Variants in DGKE observed in about 807,000 individuals in gnomAD.
DGKE encodes the protein DAG kinase epsilon.
A neutral mutation model predicts 70.0 loss-of-function variants in DGKE; 53 were observed. The ratio of observed to expected loss-of-function variants is 0.76; its 90% confidence interval spans 0.61 to 0.95. DGKE has a LOEUF of 0.95. DGKE is among the 40% of genes least tolerant of loss of function. The pLI is 0.00. For synonymous variants in DGKE, 291 were observed against 257.0 expected, an observed-to-expected ratio of 1.13 and a Z score of -1.27; for missense variants, 655 against 706.9, an observed-to-expected ratio of 0.93 and a Z score of 0.83.
rs1439464327 is a variant in DGKE, at chr17:56,861,881, TG to T, written c.1378del (p.Glu460LysfsTer10). ...IGYWGGGCRL[W>X]EGMGDETYPL... ...ATACTGGGGCGGTGGCTGCAGACTA[TG>T]GGAAGGGATGGGGGACGAGACTTAC... On this transcript the variant is annotated frameshift_variant, in exon 10 of 12. Transcript: ENST00000284061. LOFTEE classifies it high-confidence loss of function. The T allele has an allele frequency of 6.2e-7, 1 of 1,613,532 alleles. No individual in the cohort carries two copies.
chr17:56,852,655 CT>C (rs1458864426), intron 7 of DGKE, among the ~76,000 whole-genome samples: 1 of 151,912 alleles, frequency 6.6e-6, no homozygotes, highest in African/African-American at 2.4e-5. Context: ...TTGAGAGATC[CT>C]TTAAAATGGT....
rs141588701 is a variant in DGKE, at chr17:56,862,774, A to G, written c.1687A>G (p.Ile563Val). ...CTCTAGTACTTCGGATCAAGAAGAT[A>G]TAAAGGCGACTGAATAGATGGATGA... ...DISSTSDQED[I>V]KATE Residue 563 changes from isoleucine (I) to valine (V), a missense_variant, in exon 12 of 12, where the codon ATA becomes GTA. Coordinates refer to ENST00000284061, the MANE Select transcript of DGKE (RefSeq NM_003647.3). 43 of 1,580,836 alleles carry G rather than the reference A, an allele frequency of 2.7e-5. No individual in the cohort carries two copies. The highest frequency in any genetic ancestry group is 1.7e-4 in the Middle Eastern group (1 of 5,948).
At chr17:56,850,949 A>G (rs1053783470) in intron 7 of DGKE, among the ~76,000 whole-genome samples, 4 of 152,192 alleles carry the variant, frequency 2.6e-5, no homozygotes, top group Non-Finnish European at 5.9e-5. Context: ...ATTCAGAGGA[A>G]GTGATACGGG....
In DGKE at chr17:56,861,931, G is replaced by A. The variant is rs1908317820; in HGVS notation, c.1412+13G>A. 1 of 1,579,680 alleles carries A rather than the reference G, an allele frequency of 6.3e-7. No homozygotes were observed. The highest frequency in any genetic ancestry group is 2.0e-5 in the Admixed American group (1 of 49,246). ...ACCCTCTAGCCAGGTATGTACATTT[G>A]TGGTCTGTTTTTTTATGTCACTATT... On this transcript the variant is annotated intron_variant, in intron 10 of 11. Transcript: ENST00000284061.
chr17:56,855,950 G>C (rs1459517414), intron 7 of DGKE, among the ~76,000 whole-genome samples: 1 of 148,856 alleles, frequency 6.7e-6, no homozygotes, highest in African/African-American at 2.5e-5. Flanking sequence ...AGGTTGCAGA[G>C]AGCCGAGATC....
rs1328125463 is a variant in DGKE at position 56,867,721 on chromosome 17, C to G, written c.*4930C>G. 2.0e-5 allele frequency: 3 copies of G among 152,254 alleles called. No homozygotes were observed. The highest frequency in any genetic ancestry group is 4.4e-5 in the Non-Finnish European group (3 of 68,204). The allele number at this position is 152,254 out of a possible 1,614,324, so 9.4% of individuals were successfully genotyped here. On this transcript the variant is annotated 3_prime_UTR_variant, in exon 12 of 12. Coordinates refer to ENST00000284061, the MANE Select transcript of DGKE (RefSeq NM_003647.3). ...CTATCCTGGCTAACACGGTGACACC[C>G]CGCCTCTACTAAAAATCCAAAAATT...
intron 2 of DGKE, among the ~76,000 whole-genome samples, chr17:56,837,956 G>A (rs1199027692): frequency 6.6e-6 from 1 of 151,922 alleles, no homozygotes; most frequent in Non-Finnish European, 1.5e-5. Flanking sequence ...CTTTTTGTGT[G>A]CTCCTGTTTC....
At chr17:56,847,845 C>A (rs1907390512) in intron 4 of DGKE, 77 bp from the exon 5 acceptor site, 3 of 1,095,542 alleles carry the variant, frequency 2.7e-6, no homozygotes, top group Non-Finnish European at 3.8e-6. Context: ...TATCTCTACT[C>A]ATCTAGAGGG....
intron 4 of DGKE, chr17:56,846,118 A>G (rs1203001039): frequency 1.6e-5 from 3 of 183,496 alleles, no homozygotes; most frequent in Admixed American, 6.0e-5. Flanking sequence ...TTGCATGAAA[A>G]TGTTCACAGC....
At chr17:56,858,788 G>A (rs916667754) in intron 9 of DGKE, 123 bp downstream of exon 9, 14 of 657,834 alleles carry the variant, frequency 2.1e-5, no homozygotes, top group African/African-American at 7.4e-5. Flanking sequence ...GTATTTATTT[G>A]TGTGCCAGGC....
Position 56,848,785 on chromosome 17 carries a change from T to G in DGKE, c.978T>G (p.Tyr326Ter). 6.2e-7 allele frequency: 1 copy of G among 1,614,212 alleles called. No individual in the cohort carries two copies. Among genetic ancestry groups the G allele is most frequent in the Non-Finnish European group, 8.5e-7 (1 of 1,180,028 alleles). The change falls in exon 6 of 12, where the codon TAT (tyrosine) becomes TAG (stop). Residue 326 changes from tyrosine to a stop codon, truncating the protein, a stop_gained. Coordinates refer to ENST00000284061, the MANE Select transcript of DGKE (RefSeq NM_003647.3). LOFTEE classifies it high-confidence loss of function. ...ATACATTGGGTTGGGGTACAGGTTA[T>G]GCTGGAGAAATTCCAGTTGCGCAGG... ...LSNTLGWGTG[Y>*]AGEIPVAQVL...
rs1455705467 is a variant in DGKE at position 56,835,121 on chromosome 17, A to G, written c.326A>G (p.Lys109Arg). 6.2e-7 allele frequency: 1 copy of G among 1,613,944 alleles called. No homozygotes were observed. Among genetic ancestry groups the G allele is most frequent in the Admixed American group, 1.7e-5 (1 of 60,028 alleles). ...LRKADKRFQC[K>R]EIMLKNDTKV... The stretch of plus-strand genomic sequence containing the variant: ...AAGGCCGACAAGCGCTTCCAGTGCA[A>G]GGAGATTATGCTCAAGAATGACACC... Residue 109 changes from lysine (K) to arginine (R), a missense_variant, in exon 2 of 12, where the codon AAG (lysine) becomes AGG (arginine). Lys to Arg is a conservative substitution (Grantham distance 26). Coordinates refer to ENST00000284061, the MANE Select transcript of DGKE (RefSeq NM_003647.3).
intron 7 of DGKE, among the ~76,000 whole-genome samples, chr17:56,854,423 C>T (rs1459007556): frequency 6.6e-6 from 1 of 152,008 alleles, no homozygotes; most frequent in East Asian, 1.9e-4. Context: ...ATCTTCACAC[C>T]TTAGCCTCAT....
At chr17:56,856,005 CAA>C (rs35335003) in intron 7 of DGKE, among the ~76,000 whole-genome samples, 11 of 120,254 alleles carry the variant, frequency 9.1e-5, no homozygotes, top group Non-Finnish European at 6.7e-5. Flanking sequence ...GACTCCATCT[CAA>C]AAAAAAAAAA....
At chr17:56,846,731 A>C (rs1186989719) in intron 4 of DGKE, among the ~76,000 whole-genome samples, 1 of 152,176 alleles carries the variant, frequency 6.6e-6, no homozygotes, top group Non-Finnish European at 1.5e-5. Context: ...TACACTTTCA[A>C]TATTATACAG....
chr17:56,859,316 C>T (rs1419398853), intron 9 of DGKE, among the ~76,000 whole-genome samples: 1 of 151,472 alleles, frequency 6.6e-6, no homozygotes, highest in Admixed American at 6.6e-5. Flanking sequence ...CAGAGCAAGA[C>T]TCCGTCTCAA....
intron 5 of DGKE, 152 bp downstream of exon 5, chr17:56,848,217 G>A: frequency 2.4e-6 from 1 of 419,704 alleles, no homozygotes. Flanking sequence ...GAGTGCAGCG[G>A]CGCAGACACA....
intron 2 of DGKE, among the ~76,000 whole-genome samples, chr17:56,836,846 G>A (rs145781615): frequency 1.6e-4 from 24 of 152,256 alleles, no homozygotes; most frequent in Non-Finnish European, 2.5e-4. Flanking sequence ...TCCTTAAAAC[G>A]TCAGGCATTT....
intron 9 of DGKE, among the ~76,000 whole-genome samples, 183 bp downstream of exon 9, chr17:56,858,848 T>C (rs1205671837): frequency 1.3e-5 from 2 of 152,230 alleles, no homozygotes; most frequent in African/African-American, 4.8e-5. Context: ...CTCTCCACAA[T>C]TCTATAAGGT....
Sources: allele counts gnomAD v4.1 joint callset (sites outside exome capture counted in the v4.1 genomes callset), GRCh38; gene constraint gnomAD v4.1.1; transcripts MANE v1.5; gene names NCBI Gene and HGNC (gene_info 2026-07-23, HGNC 2026-07-21).